The following VPS41 variants were observed in gnomAD, a reference collection of about 807,000 sequenced individuals.
VPS41 encodes vacuolar protein sorting-associated protein 41 homolog.
In VPS41, 85 loss-of-function variants were observed where a neutral mutation model predicts 130.9. The ratio of observed to expected loss-of-function variants is 0.65; its 90% confidence interval spans 0.55 to 0.78. VPS41 has a LOEUF of 0.78. VPS41 is among the 30% of genes least tolerant of loss of function. The probability of loss-of-function intolerance (pLI) is 0.00; values close to 1 mark genes in which losing one functional copy is unlikely to be tolerated. For missense variants in VPS41, 874 were observed against 1,018.7 expected, an observed-to-expected ratio of 0.86 and a Z score of 1.93; for synonymous variants, 335 against 332.9, an observed-to-expected ratio of 1.01 and a Z score of -0.07.
intron 3 of VPS41, among the ~76,000 whole-genome samples, chr7:38,864,228 C>T (rs1460712763): frequency 6.6e-6 from 1 of 152,162 alleles, no homozygotes; most frequent in East Asian, 1.9e-4. Flanking sequence ...TTCTCTGACA[C>T]CTCTGTAAAG....
chr7:38,793,274 G>A (rs531135766), intron 9 of VPS41, among the ~76,000 whole-genome samples: 6 of 152,248 alleles, frequency 3.9e-5, no homozygotes, highest in South Asian at 4.1e-4. Context: ...CCTGGTAAAC[G>A]TTTGTTGGGC....
chr7:38,755,158 TA>T (rs1397318402), intron 19 of VPS41, among the ~76,000 whole-genome samples: 1 of 152,188 alleles, frequency 6.6e-6, no homozygotes, highest in Non-Finnish European at 1.5e-5. Context: ...TGCACACTAC[TA>T]AAATGGTGCT....
intron 2 of VPS41, among the ~76,000 whole-genome samples, chr7:38,886,020 G>A (rs1433293672): frequency 6.6e-6 from 1 of 151,996 alleles, no homozygotes; most frequent in Non-Finnish European, 1.5e-5. Context: ...TTTTTAAAAC[G>A]AAGAGTCGTC....
intron 17 of VPS41, among the ~76,000 whole-genome samples, chr7:38,759,091 A>G (rs1783863804): frequency 6.6e-6 from 1 of 152,228 alleles, no homozygotes; most frequent in African/African-American, 2.4e-5. Flanking sequence ...AGTCAAATCT[A>G]AGGAGGTGGT....
chr7:38,817,756 C>G lies in VPS41; in HGVS notation c.450+61G>C, dbSNP rs769341489. On this transcript the variant is annotated intron_variant, in intron 7 of 28. Transcript: ENST00000310301. ...ACATAAAAACATTAAGGATAAATTA[C>G]AGAGTAAGCACACAACACCCCTCAA... 7.0e-5 allele frequency: 93 copies of G among 1,322,938 alleles called. 1 individual carries two copies. The highest frequency in any genetic ancestry group is 9.7e-5 in the Non-Finnish European group (89 of 914,832). 81.9% of individuals were successfully genotyped at this position (1,322,938 alleles called of 1,614,324 possible).
intron 7 of VPS41, among the ~76,000 whole-genome samples, chr7:38,805,488 G>A (rs527755788): frequency 5.3e-5 from 8 of 151,740 alleles, no homozygotes; most frequent in African/African-American, 1.2e-4. Flanking sequence ...AGCCGAGATC[G>A]CGCCACTGCA....
chr7:38,906,371 G>A (rs925794667), intron 1 of VPS41, among the ~76,000 whole-genome samples: 2 of 151,630 alleles, frequency 1.3e-5, no homozygotes, highest in Admixed American at 6.6e-5. Context: ...TTTAAACAGG[G>A]TCTTGCTCTG....
intron 2 of VPS41, among the ~76,000 whole-genome samples, chr7:38,885,329 AT>A (rs76349701): frequency 6.6e-6 from 1 of 152,238 alleles, no homozygotes; most frequent in Non-Finnish European, 1.5e-5. Context: ...GAGACGCAGG[AT>A]TTTTTAAAAA....
intron 7 of VPS41, among the ~76,000 whole-genome samples, chr7:38,811,840 T>G (rs1374219966): frequency 6.6e-6 from 1 of 152,026 alleles, no homozygotes; most frequent in African/African-American, 2.4e-5. Flanking sequence ...TTATGATTAT[T>G]TGACTTAATG....
rs185105168 is a variant in VPS41, at chr7:38,849,548, C to T, written c.246+12997G>A. Among the ~76,000 whole-genome samples, 535 of 152,274 alleles carry T rather than the reference C, an allele frequency of 3.5e-3. 2 individuals carry two copies. The highest frequency in any genetic ancestry group is 5.8e-3 in the Admixed American group (89 of 15,302). On this transcript the variant is annotated intron_variant, in intron 4 of 28. Transcript: ENST00000310301. ...CCTGAAGTCTGGCCGCTCAGTAGCC[C>T]GGCCTCTCCTCCAACCTCCCAGGCC...
intron 10 of VPS41, among the ~76,000 whole-genome samples, chr7:38,782,117 C>A (rs184463420): frequency 6.6e-6 from 1 of 152,298 alleles, no homozygotes; most frequent in Non-Finnish European, 1.5e-5. Flanking sequence ...TCTTTTGTTT[C>A]TATTGTCCCT....
In VPS41 at chr7:38,862,434, T is replaced by A. The variant is rs898314430; in HGVS notation, c.246+111A>T. ...TTATACTCTTAGCACTCTGATTGAA[T>A]TAATAAAGATCCTCTTTATGCTATT... On this transcript the variant is annotated intron_variant, in intron 4 of 28. Transcript: ENST00000310301. 6 of 612,482 alleles carry A rather than the reference T, an allele frequency of 9.8e-6. No individual in the cohort carries two copies. The African/African-American group carries it at 1.1e-4, about 12-fold the overall frequency. The allele number at this position is 612,482 out of a possible 1,614,324, so 37.9% of individuals were successfully genotyped here. A position where few individuals can be genotyped will look rare whatever the true frequency, so the allele number is the denominator to read the frequency against.
intron 25 of VPS41, among the ~76,000 whole-genome samples, chr7:38,737,697 A>G (rs917453011): frequency 4.6e-5 from 7 of 152,352 alleles, no homozygotes; most frequent in African/African-American, 1.7e-4. Flanking sequence ...GGGGTCGATC[A>G]CCACAATAAC....
At chr7:38,890,157 C>T (rs970612931) in intron 2 of VPS41, among the ~76,000 whole-genome samples, 9 of 152,190 alleles carry the variant, frequency 5.9e-5, no homozygotes, top group East Asian at 3.9e-4. Context: ...AAATGAAAAA[C>T]GGAGGATACA....
intron 7 of VPS41, among the ~76,000 whole-genome samples, chr7:38,811,143 A>C (rs1784935413): frequency 1.3e-5 from 2 of 152,112 alleles, no homozygotes; most frequent in Non-Finnish European, 1.5e-5. Context: ...ATATTTCTTA[A>C]TGAAATTAGA....
chr7:38,824,730 C>T (rs1236498239), intron 5 of VPS41, among the ~76,000 whole-genome samples: 1 of 152,116 alleles, frequency 6.6e-6, no homozygotes, highest in Non-Finnish European at 1.5e-5. Context: ...ATTAAGGACA[C>T]TCTATGACAG....
At chr7:38,896,425 A>G (rs1786993709) in intron 2 of VPS41, among the ~76,000 whole-genome samples, 1 of 152,270 alleles carries the variant, frequency 6.6e-6, no homozygotes, top group Admixed American at 6.5e-5. Flanking sequence ...TGACTACACA[A>G]TGACATAATA....
chr7:38,854,176 A>G (rs2116277153), intron 4 of VPS41, among the ~76,000 whole-genome samples: 1 of 152,338 alleles, frequency 6.6e-6, no homozygotes, highest in Non-Finnish European at 1.5e-5. Flanking sequence ...TAAACACACA[A>G]GAATCTGAGA....
At chr7:38,747,790 T>C (rs1796015982) in intron 22 of VPS41, among the ~76,000 whole-genome samples, 2 of 152,216 alleles carry the variant, frequency 1.3e-5, no homozygotes, top group South Asian at 4.1e-4. Context: ...GTGGCTACTA[T>C]GTGGGACAGA....
Sources: allele counts gnomAD v4.1 joint callset (sites outside exome capture counted in the v4.1 genomes callset), GRCh38; gene constraint gnomAD v4.1.1; transcripts MANE v1.5; gene names NCBI Gene and HGNC (gene_info 2026-07-23, HGNC 2026-07-21).